CROT: variants seen among roughly 807,000 people sequenced by gnomAD.
CROT encodes peroxisomal carnitine O-octanoyltransferase.
In CROT, 84 loss-of-function variants were observed where a neutral mutation model predicts 89.2. The ratio of observed to expected loss-of-function variants is 0.94; its 90% CI spans 0.79 to 1.13. The LOEUF (loss-of-function observed/expected upper bound fraction) is 1.13, where lower values mean the gene tolerates loss of function less well. Among genes scored for constraint, CROT ranks in the 50% most tolerant of loss-of-function variants. The pLI is 0.00. For synonymous variants in CROT, 212 were observed against 239.5 expected (o/e 0.89, Z 1.06); for missense variants, 711 against 727.8 (o/e 0.98, Z 0.27).
At chr7:87,382,217 T>G (rs1319329790) in intron 12 of CROT, 36 bp downstream of exon 12, 1 of 1,537,672 alleles carries the variant, frequency 6.5e-7, no homozygotes, top group South Asian at 1.2e-5. Context: ...TAATAATGAT[T>G]TTTTCTTTTA....
intron 10 of CROT, among the ~76,000 whole-genome samples, chr7:87,381,110 C>T (rs1806988000): frequency 6.6e-6 from 1 of 152,166 alleles, no homozygotes; most frequent in African/African-American, 2.4e-5. Flanking sequence ...TGAAACTGGG[C>T]CCATATCTTG....
At chr7:87,388,905 A>G (rs570893939) in intron 13 of CROT, among the ~76,000 whole-genome samples, 1 of 152,238 alleles carries the variant, frequency 6.6e-6, no homozygotes, top group African/African-American at 2.4e-5. Flanking sequence ...TCCAGAATCT[A>G]CAAGGAACTT....
intron 6 of CROT, among the ~76,000 whole-genome samples, chr7:87,367,893 A>C (rs1304676829): frequency 6.6e-6 from 1 of 152,134 alleles, no homozygotes; most frequent in East Asian, 1.9e-4. Context: ...GTCACCTCCT[A>C]ACTTGGCATA....
At chr7:87,358,371 A>G (rs2115826961) in intron 3 of CROT, among the ~76,000 whole-genome samples, 1 of 150,806 alleles carries the variant, frequency 6.6e-6, no homozygotes, top group Admixed American at 6.6e-5. Flanking sequence ...ATTCCCAGCT[A>G]CTCGGGAGGC....
At chr7:87,368,515 G>C (rs1554390790) in intron 6 of CROT, among the ~76,000 whole-genome samples, 1 of 151,990 alleles carries the variant, frequency 6.6e-6, no homozygotes, top group South Asian at 2.1e-4. Flanking sequence ...GAGGAAATAA[G>C]GTATAAGAGA....
At chr7:87,353,564 A>G (rs1030540094) in intron 3 of CROT, among the ~76,000 whole-genome samples, 3 of 152,218 alleles carry the variant, frequency 2.0e-5, no homozygotes, top group Non-Finnish European at 4.4e-5. Context: ...TTTTCAAAAA[A>G]GAAGTTTAAT....
intron 3 of CROT, among the ~76,000 whole-genome samples, chr7:87,353,550 T>C (rs1448979576): frequency 1.3e-5 from 2 of 152,180 alleles, no homozygotes; most frequent in African/African-American, 4.8e-5. Flanking sequence ...GGCTGGGTAA[T>C]TTATTTTCAA....
chr7:87,379,532 A>G (rs769618414), intron 10 of CROT, among the ~76,000 whole-genome samples: 8 of 152,254 alleles, frequency 5.3e-5, no homozygotes, highest in Non-Finnish European at 7.3e-5. Context: ...TAGCACCAGT[A>G]TCCTGCTGTT....
At chr7:87,371,218 T>C (rs924972329) in intron 7 of CROT, among the ~76,000 whole-genome samples, 8 of 152,342 alleles carry the variant, frequency 5.3e-5, no homozygotes, top group African/African-American at 1.9e-4. Flanking sequence ...TTTACGTTTG[T>C]ATTTATAGTC....
chr7:87,373,872 G>A (rs996856731), intron 7 of CROT, among the ~76,000 whole-genome samples: 4 of 152,036 alleles, frequency 2.6e-5, no homozygotes, highest in African/African-American at 9.7e-5. Context: ...GTATGGAGAC[G>A]ACAATGGGAC....
rs1167247798 is a variant in CROT, at chr7:87,398,944, G to A, written c.*300G>A. ...AAATCTACAAACTTTAACAATGCAA[G>A]TCTTACTCTAATTTTTAAGTATTTT... On this transcript the variant is annotated 3_prime_UTR_variant, in exon 18 of 18. Coordinates refer to ENST00000331536, the MANE Select transcript of CROT (RefSeq NM_021151.4). The A allele has an allele frequency of 3.7e-6, 1 of 270,842 alleles. No individual in the cohort carries two copies. The highest frequency in any genetic ancestry group is 6.9e-6 in the Non-Finnish European group (1 of 144,340). 16.8% of individuals were successfully genotyped at this position (270,842 alleles called of 1,614,324 possible). A position where few individuals can be genotyped will look rare whatever the true frequency, so the allele number is the denominator to read the frequency against.
intron 6 of CROT, among the ~76,000 whole-genome samples, chr7:87,363,850 G>A (rs1806357326): frequency 1.3e-5 from 2 of 152,188 alleles, no homozygotes; most frequent in African/African-American, 4.8e-5. Context: ...CTTGTACTAG[G>A]ATTATGGCAT....
At chr7:87,349,282 A>G in intron 3 of CROT, 99 bp downstream of exon 3, 1 of 519,036 alleles carries the variant, frequency 1.9e-6, no homozygotes, top group Non-Finnish European at 3.3e-6. Context: ...ACTCTAAGAG[A>G]GAGTTAGAGT....
rs74777564 is a variant in CROT, at chr7:87,345,709, G to T, written c.-171G>T. The T allele has an allele frequency of 0.031, 11,229 of 360,626 alleles. 557 individuals carry two copies. The highest frequency in any genetic ancestry group is 0.14 in the African/African-American group (6,846 of 47,984). 22.3% of individuals were successfully genotyped at this position (360,626 alleles called of 1,614,324 possible). ...GAGGCCCAAGGGGGAGCGAGCCGGT[G>T]CTGCTGCAGGCTGAGGCTGCGGCAG... On this transcript the variant is annotated 5_prime_UTR_variant, in exon 1 of 18. Transcript: ENST00000331536.
At chr7:87,361,904 G>C in intron 6 of CROT, 52 bp downstream of exon 6, 1 of 1,508,110 alleles carries the variant, frequency 6.6e-7, no homozygotes, top group South Asian at 1.3e-5. Flanking sequence ...AATTTGGGTA[G>C]CCTACTATGA....
chr7:87,357,061 GTTCCCCA>G (rs1432949304), intron 3 of CROT, among the ~76,000 whole-genome samples: 111 of 152,200 alleles, frequency 7.3e-4, no homozygotes, highest in East Asian at 1.4e-3. Context: ...AAGTCCTCAG[GTTCCCCA>G]TGCTATCCTG....
At chr7:87,389,811 A>T (rs1807303501) in intron 13 of CROT, among the ~76,000 whole-genome samples, 1 of 93,588 alleles carries the variant, frequency 1.1e-5, no homozygotes, top group Non-Finnish European at 2.7e-5. Context: ...GATGTTTTTT[A>T]AATCCAGTTT....
chr7:87,393,827 C>CA (rs1807442996), intron 17 of CROT, among the ~76,000 whole-genome samples: 1 of 152,142 alleles, frequency 6.6e-6, no homozygotes, highest in South Asian at 2.1e-4. Flanking sequence ...CCTTGAACAA[C>CA]ATGGGTTTGA....
At chr7:87,382,255 A>G in intron 12 of CROT, 74 bp downstream of exon 12, 1 of 1,446,662 alleles carries the variant, frequency 6.9e-7, no homozygotes, top group Non-Finnish European at 9.6e-7. Context: ...TTTGGCTGTC[A>G]TCCAAGCATG....
Sources: allele counts gnomAD v4.1 joint callset (sites outside exome capture counted in the v4.1 genomes callset), GRCh38; gene constraint gnomAD v4.1.1; transcripts MANE v1.5; gene names NCBI Gene and HGNC (gene_info 2026-07-23, HGNC 2026-07-21).